Variants in LRRC4C observed in about 807,000 individuals in gnomAD.
LRRC4C encodes leucine rich repeat containing 4C, also known as leucine-rich repeat-containing protein 4C.
Under a neutral mutation model 33.6 loss-of-function variants are expected in LRRC4C, and 5 were observed. The observed-to-expected ratio is 0.15, with a 90% CI of 0.08 to 0.31. The LOEUF is 0.31. Among genes scored for constraint, LRRC4C ranks in the 10% least tolerant of loss-of-function variants. LRRC4C has a pLI of 1.00. For missense variants in LRRC4C, 560 were observed against 796.7 expected (o/e 0.70, Z 3.58); for synonymous variants, 329 against 302.0 (o/e 1.09, Z -0.93).
intron 3 of LRRC4C, among the ~76,000 whole-genome samples, chr11:40,531,312 G>A (rs1956261903): frequency 6.6e-6 from 1 of 152,086 alleles, no homozygotes; most frequent in South Asian, 2.1e-4. Context: ...CATCCTGACT[G>A]ACCTAATCCT....
intron 4 of LRRC4C, among the ~76,000 whole-genome samples, chr11:40,310,424 A>G (rs1439962220): frequency 6.6e-6 from 1 of 152,142 alleles, no homozygotes; most frequent in Non-Finnish European, 1.5e-5. Context: ...CTTATTCATC[A>G]TTGTACCACA....
At chr11:40,516,647 A>C in intron 3 of LRRC4C, among the ~76,000 whole-genome samples, 1 of 152,106 alleles carries the variant, frequency 6.6e-6, no homozygotes, top group East Asian at 1.9e-4. Context: ...GAAATCAACA[A>C]AGCACCATGC....
chr11:40,387,111 T>TG (rs1360669771), intron 3 of LRRC4C, among the ~76,000 whole-genome samples: 1 of 152,218 alleles, frequency 6.6e-6, no homozygotes, highest in Non-Finnish European at 1.5e-5. Flanking sequence ...AATTGAGAGT[T>TG]GGAGAAATTA....
chr11:41,356,735 G>A (rs547408162), intron 1 of LRRC4C, among the ~76,000 whole-genome samples: 3 of 152,172 alleles, frequency 2.0e-5, no homozygotes, highest in South Asian at 2.1e-4. Flanking sequence ...TCCTGGTTTT[G>A]TCTGAATGTT....
At chr11:40,329,051 T>C (rs1189314717) in intron 3 of LRRC4C, among the ~76,000 whole-genome samples, 1 of 152,118 alleles carries the variant, frequency 6.6e-6, no homozygotes, top group Non-Finnish European at 1.5e-5. Context: ...GAGACCTCTG[T>C]GGTGAGCCAA....
intron 2 of LRRC4C, among the ~76,000 whole-genome samples, chr11:40,703,725 A>G (rs1026336666): frequency 1.3e-5 from 2 of 152,224 alleles, no homozygotes; most frequent in Admixed American, 6.5e-5. Flanking sequence ...GGTGACTTAG[A>G]ATATTTGTTT....
At chr11:41,103,747 A>G (rs749844844) in intron 1 of LRRC4C, among the ~76,000 whole-genome samples, 7 of 151,996 alleles carry the variant, frequency 4.6e-5, no homozygotes, top group African/African-American at 7.2e-5. Context: ...ACAAAGCTAT[A>G]GGAATCAAGA....
chr11:40,319,684 A>T lies in LRRC4C; in HGVS notation c.-232T>A, dbSNP rs1945745687. The T allele has an allele frequency of 6.6e-6, 1 of 152,228 alleles. No individual in the cohort carries two copies. Among genetic ancestry groups the T allele is most frequent in the Non-Finnish European group, 1.5e-5 (1 of 68,044 alleles). The allele number at this position is 152,228 out of a possible 1,614,324, so 9.4% of individuals were successfully genotyped here. A position where few individuals can be genotyped will look rare whatever the true frequency, so the allele number is the denominator to read the frequency against. On this transcript the variant is annotated 5_prime_UTR_variant, in exon 4 of 7. Coordinates refer to ENST00000528697, the MANE Select transcript of LRRC4C (RefSeq NM_001258419.2). Reference sequence around the variant, plus strand: ...TTCCTGAGAAAACTCAAAGAAGTTTAATAAGTGCTCTGGATTTCTGCAGAT... The same window carrying T: ...TTCCTGAGAAAACTCAAAGAAGTTTTATAAGTGCTCTGGATTTCTGCAGAT...
At chr11:40,221,586 C>T (rs570399023) in intron 5 of LRRC4C, among the ~76,000 whole-genome samples, 18 of 152,096 alleles carry the variant, frequency 1.2e-4, no homozygotes, top group African/African-American at 4.1e-4. Flanking sequence ...TGTCTTATGC[C>T]CAATTTCTGC....
chr11:40,276,672 CAAGTGTGT>C (rs1472731526), intron 4 of LRRC4C, among the ~76,000 whole-genome samples: 1 of 117,614 alleles, frequency 8.5e-6, no homozygotes, highest in Non-Finnish European at 1.8e-5. Context: ...TGGTGGGAAA[CAAGTGTGT>C]GTGTGTGTGT....
chr11:40,531,330 C>T (rs9300036), intron 3 of LRRC4C, among the ~76,000 whole-genome samples: 13,364 of 152,032 alleles, frequency 0.088, 1,667 homozygotes, highest in African/African-American at 0.28. Flanking sequence ...CCTAGTCAGA[C>T]GAAGTAGAAC....
At position 40,681,382 on chromosome 11, in the gene LRRC4C, G is replaced by T. The variant is rs1457511447; in HGVS notation, c.-406-33104C>A. 2.0e-5 allele frequency among the ~76,000 whole-genome samples: 3 copies of T among 152,130 alleles called. No homozygotes were observed. The East Asian group carries it at 5.8e-4, about 29-fold the overall frequency. Reference sequence around the variant, plus strand: ...AATACACAATACACTTCTATGAAGGGGCTCTGTGTGTTTTCATTTGTTGTA... The same window carrying T: ...AATACACAATACACTTCTATGAAGGTGCTCTGTGTGTTTTCATTTGTTGTA... On this transcript the variant is annotated intron_variant, in intron 2 of 6. Coordinates refer to ENST00000528697, the MANE Select transcript of LRRC4C (RefSeq NM_001258419.2).
chr11:40,702,818 A>G (rs989731796), intron 2 of LRRC4C, among the ~76,000 whole-genome samples: 34 of 152,056 alleles, frequency 2.2e-4, no homozygotes, highest in Admixed American at 2.0e-3. Context: ...CGTCCTCCAT[A>G]TGGAAGTTGC....
chr11:40,312,858 A>G (rs1945381431), intron 4 of LRRC4C, among the ~76,000 whole-genome samples: 1 of 151,166 alleles, frequency 6.6e-6, no homozygotes, highest in African/African-American at 2.5e-5. Flanking sequence ...GAGATTGGAC[A>G]GCAGTTACAT....
At chr11:40,738,908 G>T (rs546790957) in intron 2 of LRRC4C, among the ~76,000 whole-genome samples, 1 of 152,006 alleles carries the variant, frequency 6.6e-6, no homozygotes, top group East Asian at 1.9e-4. Flanking sequence ...GACAATAATT[G>T]AATCTACTTT....
At chr11:40,378,726 C>G (rs1053668338) in intron 3 of LRRC4C, among the ~76,000 whole-genome samples, 22 of 152,076 alleles carry the variant, frequency 1.4e-4, no homozygotes, top group African/African-American at 4.6e-4. Context: ...GTTAATGACT[C>G]TGATCACATT....
intron 3 of LRRC4C, among the ~76,000 whole-genome samples, chr11:40,591,016 C>A (rs1478008378): frequency 6.6e-6 from 1 of 152,166 alleles, no homozygotes; most frequent in Non-Finnish European, 1.5e-5. Flanking sequence ...CCAGTTGGAG[C>A]TTCCTGGCTG....
At chr11:40,670,158 G>A (rs527386647) in intron 2 of LRRC4C, among the ~76,000 whole-genome samples, 6 of 152,276 alleles carry the variant, frequency 3.9e-5, no homozygotes, top group African/African-American at 1.4e-4. Context: ...GTACATCTCA[G>A]GAGTGGAGAA....
chr11:40,785,511 C>T (rs1387075969), intron 2 of LRRC4C, among the ~76,000 whole-genome samples: 1 of 152,080 alleles, frequency 6.6e-6, no homozygotes, highest in Admixed American at 6.6e-5. Context: ...AAACCCATTT[C>T]CTCTTTTTAT....
Sources: allele counts gnomAD v4.1 joint callset (sites outside exome capture counted in the v4.1 genomes callset), GRCh38; gene constraint gnomAD v4.1.1; transcripts MANE v1.5; gene names NCBI Gene and HGNC (gene_info 2026-07-23, HGNC 2026-07-21).